Variants in TRDN observed in about 807,000 individuals in gnomAD.
The protein encoded by TRDN is triadin.
A neutral mutation model predicts 149.7 loss-of-function variants in TRDN; 161 were observed. The observed-to-expected ratio is 1.08, with a 90% CI of 0.95 to 1.23. The LOEUF (loss-of-function observed/expected upper bound fraction) is 1.23. Ranked by LOEUF, TRDN falls within the 50% of genes most tolerant of loss-of-function variation. TRDN has a pLI of 0.00. For missense variants in TRDN, 896 were observed against 823.5 expected, an observed-to-expected ratio of 1.09 and a Z score of -1.08; for synonymous variants, 294 against 250.5, an observed-to-expected ratio of 1.17 and a Z score of -1.64.
chr6:123,384,472 G>A (rs1437733889), intron 14 of TRDN, among the ~76,000 whole-genome samples: 4 of 152,140 alleles, frequency 2.6e-5, no homozygotes, highest in African/African-American at 4.8e-5. Context: ...TGGGGGAAAT[G>A]TGGGAACACA....
intron 7 of TRDN, chr6:123,510,121 G>T (rs952057496): frequency 8.6e-5 from 13 of 151,862 alleles, no homozygotes; most frequent in Non-Finnish European, 1.5e-4. Flanking sequence ...TGAAACAGGA[G>T]AAACAAAATA....
chr6:123,456,198 G>A (rs1299600878), intron 10 of TRDN, among the ~76,000 whole-genome samples: 1 of 152,030 alleles, frequency 6.6e-6, no homozygotes, highest in African/African-American at 2.4e-5. Context: ...TTCAAATGAA[G>A]CCTTTCAATT....
chr6:123,260,645 A>G lies in TRDN; in HGVS notation c.1805-7T>C, dbSNP rs1270308885. The G allele has an allele frequency of 4.4e-5, 34 of 780,308 alleles. No individual in the cohort carries two copies. The highest frequency in any genetic ancestry group is 5.4e-5 in the Non-Finnish European group (33 of 610,958). The allele number at this position is 780,308 out of a possible 1,614,324, so 48.3% of individuals were successfully genotyped here. ...GTGACTTCTGATGTTCCTTCTTTAGAAAAAAAAAAAAAAAGAATGTAGAAA... is the reference window on the plus strand; with the variant it reads ...GTGACTTCTGATGTTCCTTCTTTAGGAAAAAAAAAAAAAAGAATGTAGAAA... On this transcript the variant is annotated splice_region_variant and splice_polypyrimidine_tract_variant and intron_variant, in intron 33 of 40. Transcript: ENST00000334268.
intron 20 of TRDN, among the ~76,000 whole-genome samples, chr6:123,357,392 G>T (rs763360030): frequency 9.2e-5 from 14 of 152,090 alleles, no homozygotes; most frequent in Non-Finnish European, 1.9e-4. Flanking sequence ...TATGAGGAAA[G>T]ACAAAGGAGT....
At position 123,424,519 on chromosome 6, in the gene TRDN, C is replaced by T. The variant is rs115949406; in HGVS notation, c.1051+13544G>A. 6.9e-3 allele frequency among the ~76,000 whole-genome samples: 1,050 copies of T among 151,840 alleles called. 15 individuals carry two copies. The highest frequency in any genetic ancestry group is 0.023 in the African/African-American group (950 of 41,358). Reference sequence around the variant, plus strand: ...TAACTTGCTAGTTAAATATTTCATACGCTAATTGGTCTTGTCATTTTGATA... The same window carrying T: ...TAACTTGCTAGTTAAATATTTCATATGCTAATTGGTCTTGTCATTTTGATA... On this transcript the variant is annotated intron_variant, in intron 12 of 40. Coordinates refer to ENST00000334268, the MANE Select transcript of TRDN (RefSeq NM_006073.4).
chr6:123,490,849 A>G (rs912222209), intron 9 of TRDN, among the ~76,000 whole-genome samples: 18 of 152,234 alleles, frequency 1.2e-4, no homozygotes, highest in African/African-American at 4.3e-4. Context: ...TCACGCCTGT[A>G]ATCCCAGCAC....
In TRDN at chr6:123,464,971, G is replaced by T; in HGVS notation, c.866C>A (p.Ala289Asp). ...HGDLKPGQSP[A>D]IPPPLPTEQA... ...TTCTGTCGGTAAGGGAGGTGGAATG[G>T]CTGGGCTTTGTCCTACACAATGTAG... The change falls in exon 10 of 41, where the codon GCC (alanine) becomes GAC (aspartate). Residue 289 changes from alanine (A) to aspartate (D), a missense_variant. By Grantham distance (126) the Ala-to-Asp change is moderately radical. Transcript: ENST00000334268. The T allele has an allele frequency of 1.3e-6, 2 of 1,595,756 alleles. No homozygotes were observed. Among genetic ancestry groups the T allele is most frequent in the East Asian group, 2.2e-5 (1 of 44,482 alleles).
chr6:123,517,594 C>T (rs573809201), intron 5 of TRDN, among the ~76,000 whole-genome samples: 4 of 152,036 alleles, frequency 2.6e-5, no homozygotes, highest in Non-Finnish European at 5.9e-5. Flanking sequence ...AACCCAATGT[C>T]ATCTACAAAG....
chr6:123,437,201 C>T (rs1456907857), intron 12 of TRDN, among the ~76,000 whole-genome samples: 1 of 151,916 alleles, frequency 6.6e-6, no homozygotes, highest in African/African-American at 2.4e-5. Flanking sequence ...ATTGTTATTA[C>T]TATGTATCTC....
At chr6:123,421,995 CAAT>C (rs947340156) in intron 12 of TRDN, among the ~76,000 whole-genome samples, 7 of 151,458 alleles carry the variant, frequency 4.6e-5, no homozygotes, top group African/African-American at 1.7e-4. Context: ...TCCAAGAAAA[CAAT>C]AAAAATAACA....
At chr6:123,222,151 G>T (rs1252729688) in intron 39 of TRDN, among the ~76,000 whole-genome samples, 1 of 151,452 alleles carries the variant, frequency 6.6e-6, no homozygotes, top group African/African-American at 2.4e-5. Flanking sequence ...GGGGTTTTGG[G>T]GGTTTTTCTA....
chr6:123,598,453 T>G (rs1784138709), intron 1 of TRDN, among the ~76,000 whole-genome samples: 1 of 152,066 alleles, frequency 6.6e-6, no homozygotes, highest in Admixed American at 6.6e-5. Flanking sequence ...TAAGAAACCC[T>G]AGCTCCCATT....
Position 123,273,054 on chromosome 6 carries a change from C to G in TRDN, c.1625-43G>C, listed in dbSNP as rs1374669276. ...AAAATCTTTTTTAGGTATTTAGAAG[C>G]TGGGAAAATAGCTAGCAGATTTTAG... On this transcript the variant is annotated intron_variant, in intron 28 of 40. Transcript: ENST00000334268. 5 of 1,327,300 alleles carry G rather than the reference C, an allele frequency of 3.8e-6. No homozygotes were observed. In the African/African-American group the frequency reaches 7.7e-5, roughly 20 times the overall value. The allele number at this position is 1,327,300 out of a possible 1,614,324, so 82.2% of individuals were successfully genotyped here.
At chr6:123,258,013 A>T (rs948056098) in intron 35 of TRDN, among the ~76,000 whole-genome samples, 1 of 152,198 alleles carries the variant, frequency 6.6e-6, no homozygotes, top group Admixed American at 6.5e-5. Flanking sequence ...GAAGTTACTT[A>T]CCAGCTCAAG....
intron 2 of TRDN, among the ~76,000 whole-genome samples, chr6:123,565,045 T>G (rs1359917559): frequency 6.6e-6 from 1 of 152,196 alleles, no homozygotes; most frequent in Non-Finnish European, 1.5e-5. Context: ...TTGTAGTCAT[T>G]TCTTTATAAA....
At chr6:123,349,191 G>C (rs976174935) in intron 21 of TRDN, among the ~76,000 whole-genome samples, 11 of 152,100 alleles carry the variant, frequency 7.2e-5, no homozygotes, top group African/African-American at 2.7e-4. Flanking sequence ...ATAATATTAA[G>C]TAAAATAAGA....
rs563212169 is a variant in TRDN at position 123,283,045 on chromosome 6, G to A, written c.1511-3963C>T. ...AACTGAAAAGATCCTGGAAATCATC[G>A]GAATAGCTTTTTTAATGGGCCACAA... On this transcript the variant is annotated intron_variant, in intron 24 of 40. Transcript: ENST00000334268. Among the ~76,000 whole-genome samples the A allele has an allele frequency of 1.7e-4, 26 of 151,658 alleles. No homozygotes were observed. The South Asian group carries it at 1.9e-3, about 11-fold the overall frequency.
chr6:123,595,687 A>G (rs1471379161), intron 1 of TRDN, among the ~76,000 whole-genome samples: 1 of 152,164 alleles, frequency 6.6e-6, no homozygotes, highest in East Asian at 1.9e-4. Context: ...AAACTACTCC[A>G]TTATTATTAC....
chr6:123,605,831 T>G (rs1452648888), intron 1 of TRDN, among the ~76,000 whole-genome samples: 1 of 152,152 alleles, frequency 6.6e-6, no homozygotes, highest in Non-Finnish European at 1.5e-5. Context: ...TTGTAAAATT[T>G]ATAACCATAG....
Sources: allele counts gnomAD v4.1 joint callset (sites outside exome capture counted in the v4.1 genomes callset), GRCh38; gene constraint gnomAD v4.1.1; transcripts MANE v1.5; gene names NCBI Gene and HGNC (gene_info 2026-07-23, HGNC 2026-07-21).